IDUA: variants seen among roughly 807,000 people sequenced by gnomAD.
The protein encoded by IDUA is alpha-L-iduronidase.
In IDUA, 65 loss-of-function variants were observed where a neutral mutation model predicts 68.9. That is an observed-to-expected ratio of 0.94 (90% CI 0.77 to 1.16). The LOEUF (loss-of-function observed/expected upper bound fraction) is 1.16, where lower values mean the gene tolerates loss of function less well. Among genes scored for constraint, IDUA ranks in the 50% most tolerant of loss-of-function variants. The pLI, the probability that IDUA is intolerant of heterozygous loss-of-function variation, is 0.00. For synonymous variants in IDUA, 529 were observed against 433.6 expected, an observed-to-expected ratio of 1.22 and a Z score of -2.73; for missense variants, 1,046 against 938.0, an observed-to-expected ratio of 1.12 and a Z score of -1.50.
chr4:1,003,845 G>A, intron 12 of IDUA, 167 bp from the exon 13 acceptor site: 1 of 805,596 alleles, frequency 1.2e-6, no homozygotes, highest in Non-Finnish European at 2.1e-6. Flanking sequence ...TGGACATTCG[G>A]GCTCCAGCCC....
upstream of IDUA, chr4:987,013 G>A (rs1165676079): frequency 1.6e-5 from 22 of 1,381,932 alleles, no homozygotes; most frequent in Non-Finnish European, 1.9e-5. Flanking sequence ...TGGGGTGCGC[G>A]CCCAGACTCC....
chr4:998,307 C>T (rs1714866733), intron 2 of IDUA, among the ~76,000 whole-genome samples: 1 of 152,150 alleles, frequency 6.6e-6, no homozygotes, highest in South Asian at 2.1e-4. Flanking sequence ...CATGGGAGGA[C>T]CAGAAGGGAG....
intron 2 of IDUA, among the ~76,000 whole-genome samples, 182 bp from the exon 3 acceptor site, chr4:1,000,430 C>T (rs1173393381): frequency 1.3e-5 from 2 of 152,192 alleles, no homozygotes; most frequent in Non-Finnish European, 2.9e-5. Flanking sequence ...TACAGATACT[C>T]TAGTTCATAC....
Position 1,001,846 on chromosome 4 carries a change from G to T in IDUA, c.757G>T (p.Gly253Cys), listed in dbSNP as rs546933529. The change falls in exon 6 of 14, where the codon GGC (glycine) becomes TGC (cysteine). Residue 253 changes from glycine (G) to cysteine (C), a missense_variant. Gly to Cys is a radical substitution (Grantham distance 159). Transcript: ENST00000514224. ...DGTNFFTGEA[G>C]VRLDYISLHR... ...TACCAACTTCTTCACTGGGGAGGCG[G>T]GCGTGCGGCTGGACTACATCTCCCT... 2.7e-4 allele frequency: 427 copies of T among 1,599,278 alleles called. 5 individuals carry two copies. In the South Asian group the frequency reaches 4.4e-3, roughly 17 times the overall value.
At chr4:1,003,191 C>A (rs1342785258) in intron 10 of IDUA, 34 bp downstream of exon 10, 5 of 517,166 alleles carry the variant, frequency 9.7e-6, no homozygotes, top group Admixed American at 7.3e-5. Flanking sequence ...GGGGCCGGGC[C>A]GGGCCGGGGT....
chr4:1,000,267 G>A (rs112815089), intron 2 of IDUA, among the ~76,000 whole-genome samples: 1 of 152,232 alleles, frequency 6.6e-6, no homozygotes, highest in African/African-American at 2.4e-5. Flanking sequence ...AGAGAACCAG[G>A]GTGAGGTGTC....
chr4:1,004,380 CG>C lies in IDUA; in HGVS notation c.1952del (p.Gly651AlafsTer?), dbSNP rs1323345017. The stretch of plus-strand genomic sequence containing the variant: ...CCTGTGCCAAGAGGGCCCCCATCCC[CG>C]GGCAATCCATGAGCCTGTGCTGAGC... The part of the protein sequence containing the change: ...EVPVPRGPPS[P>X]GNP On this transcript the variant is annotated frameshift_variant, in exon 14 of 14. Transcript: ENST00000514224. LOFTEE classifies it high-confidence loss of function. This position sits in a 1 kb window ranked among gnomAD's most constrained non-coding sequence, Gnocchi z 5.0. The C allele has an allele frequency of 1.2e-6, 2 of 1,610,614 alleles. No homozygotes were observed. Among genetic ancestry groups the C allele is most frequent in the Non-Finnish European group, 1.7e-6 (2 of 1,179,982 alleles).
rs778406580 is a variant in IDUA, at chr4:990,203, C to G, written c.299+2254C>G. 114 of 1,562,170 alleles carry G rather than the reference C, an allele frequency of 7.3e-5. No homozygotes were observed. The highest frequency in any genetic ancestry group is 9.4e-5 in the Non-Finnish European group (108 of 1,153,976). Reference sequence around the variant, plus strand: ...CGCAGCAGGCTCAGCCATGTGAGGACCACCATGCCGGGCCCCTGGTGCCGC... The same window carrying G: ...CGCAGCAGGCTCAGCCATGTGAGGAGCACCATGCCGGGCCCCTGGTGCCGC... On this transcript the variant is annotated intron_variant, in intron 2 of 13. Transcript: ENST00000514224.
intron 9 of IDUA, 25 bp downstream of exon 9, chr4:1,002,969 T>G (rs1167388199): frequency 1.8e-5 from 25 of 1,378,802 alleles, no homozygotes; most frequent in Non-Finnish European, 1.9e-5. Context: ...CAGGGAGGTC[T>G]CTGGCCCCGC....
At chr4:993,628 T>TG (rs1280593202) in intron 2 of IDUA, among the ~76,000 whole-genome samples, 2 of 149,202 alleles carry the variant, frequency 1.3e-5, no homozygotes, top group Non-Finnish European at 3.0e-5. Flanking sequence ...TCTGCGGCCC[T>TG]GCCGGGGGGG....
chr4:991,377 G>A (rs775854277), intron 2 of IDUA: 10 of 1,612,874 alleles, frequency 6.2e-6, no homozygotes, highest in Admixed American at 1.7e-5. Flanking sequence ...AGTAGATGAG[G>A]TTGGCGAAGA....
intron 9 of IDUA, 32 bp from the exon 10 acceptor site, chr4:1,003,004 G>T (rs772313234): frequency 7.0e-7 from 1 of 1,437,152 alleles, no homozygotes; most frequent in Admixed American, 2.7e-5. Flanking sequence ...GGGCGGCCCG[G>T]GGAGCCGAGG....
At chr4:994,280 C>CTTT (rs781736230) in intron 2 of IDUA, among the ~76,000 whole-genome samples, 1 of 144,470 alleles carries the variant, frequency 6.9e-6, no homozygotes. Flanking sequence ...CCCACCTTTT[C>CTTT]TTTTTTTTTT....
Position 987,219 on chromosome 4 carries a change from C to T in IDUA, c.135C>T (p.Arg45=). 6.7e-7 allele frequency: 1 copy of T among 1,499,746 alleles called. No homozygotes were observed. Among genetic ancestry groups the T allele is most frequent in the East Asian group, 2.8e-5 (1 of 36,098 alleles). The allele number at this position is 1,499,746 out of a possible 1,614,324, so 92.9% of individuals were successfully genotyped here. A position where few individuals can be genotyped will look rare whatever the true frequency, so the allele number is the denominator to read the frequency against. Residue 45 remains arginine, a synonymous_variant, in exon 1 of 14, where the codon CGC becomes CGT. Coordinates refer to ENST00000514224, the MANE Select transcript of IDUA (RefSeq NM_000203.5). ...CCCGCGCGCTGTGGCCCCTGCGGCG[C>T]TTCTGGAGGAGCACAGGCTTCTGGT... is the stretch of plus-strand genomic sequence containing the variant. ...DAARALWPLR[R]FWRSTGFCPP...
At chr4:999,186 C>T (rs1714932899) in intron 2 of IDUA, among the ~76,000 whole-genome samples, 1 of 147,270 alleles carries the variant, frequency 6.8e-6, no homozygotes, top group Admixed American at 6.8e-5. Flanking sequence ...GGCTGGGCAA[C>T]AGAGTGAGAC....
chr4:999,165 A>G (rs113345455), intron 2 of IDUA, among the ~76,000 whole-genome samples: 13 of 151,480 alleles, frequency 8.6e-5, no homozygotes, highest in Admixed American at 2.0e-4. Flanking sequence ...AGATCGCGCC[A>G]CTGCACCCCA....
At position 987,256 on chromosome 4, in the gene IDUA, G is replaced by A. The variant is rs1178283134; in HGVS notation, c.158+14G>A. 1.3e-6 allele frequency: 2 copies of A among 1,513,220 alleles called. No individual in the cohort carries two copies. The highest frequency in any genetic ancestry group is 1.8e-6 in the Non-Finnish European group (2 of 1,137,660). 93.7% of individuals were successfully genotyped at this position (1,513,220 alleles called of 1,614,324 possible). On this transcript the variant is annotated intron_variant, in intron 1 of 13. Coordinates refer to ENST00000514224, the MANE Select transcript of IDUA (RefSeq NM_000203.5). Reference sequence around the variant, plus strand: ...CACAGGCTTCTGGTGAGCGCTCCGCGGCCTCCGGGACCCCCTGGCCGCACG... The same window carrying A: ...CACAGGCTTCTGGTGAGCGCTCCGCAGCCTCCGGGACCCCCTGGCCGCACG...
chr4:987,677 T>A, intron 1 of IDUA, 132 bp from the exon 2 acceptor site: 1 of 1,499,808 alleles, frequency 6.7e-7, no homozygotes, highest in East Asian at 2.5e-5. Flanking sequence ...TAAGGGTCAT[T>A]TTATTAGTCA....
rs371429915 is a variant in IDUA at position 1,003,972 on chromosome 4, T to C, written c.1728-40T>C. On this transcript the variant is annotated intron_variant, in intron 12 of 13. Transcript: ENST00000514224. Reference sequence around the variant, plus strand: ...CCTGCCTGCTCCCACCTTTGAGGACTGTCTTGACCCCAGCCTTGTTCTTGG... The same window carrying C: ...CCTGCCTGCTCCCACCTTTGAGGACCGTCTTGACCCCAGCCTTGTTCTTGG... 2.0e-6 allele frequency: 3 copies of C among 1,520,990 alleles called. No homozygotes were observed. The African/African-American group carries it at 4.1e-5, about 21-fold the overall frequency. The allele number at this position is 1,520,990 out of a possible 1,614,324, so 94.2% of individuals were successfully genotyped here.
Sources: gnomAD v4.1 joint callset for allele counts (sites outside exome capture counted in the v4.1 genomes callset) on GRCh38, gnomAD v4.1.1 for gene constraint, Gnocchi (gnomAD v3.1) non-coding constraint, MANE v1.5 for transcripts, NCBI Gene and HGNC (gene_info 2026-07-23, HGNC 2026-07-21) for gene names.